The following PKD2 variants were observed in gnomAD, a reference collection of about 807,000 sequenced individuals.
PKD2 encodes the protein polycystin-2.
A neutral mutation model predicts 105.9 loss-of-function variants in PKD2; 48 were observed. The ratio of observed to expected loss-of-function variants is 0.45; its 90% confidence interval spans 0.36 to 0.58. The LOEUF (loss-of-function observed/expected upper bound fraction) is 0.58, where lower values mean the gene tolerates loss of function less well. Ranked by LOEUF, PKD2 falls within the 20% of genes least tolerant of loss-of-function variation. The probability of loss-of-function intolerance (pLI) is 0.00; values close to 1 mark genes in which losing one functional copy is unlikely to be tolerated. For synonymous variants in PKD2, 464 were observed against 481.1 expected (o/e 0.96, Z 0.46); for missense variants, 1,078 against 1,255.3 (o/e 0.86, Z 2.13).
intron 2 of PKD2, among the ~76,000 whole-genome samples, chr4:88,031,278 G>C (rs1345738006): frequency 1.3e-5 from 2 of 152,228 alleles, no homozygotes; most frequent in South Asian, 2.1e-4. Context: ...TATATTAAAT[G>C]CATTTTCAAC....
intron 6 of PKD2, among the ~76,000 whole-genome samples, chr4:88,049,092 A>C (rs932084024): frequency 6.6e-6 from 1 of 152,254 alleles, no homozygotes; most frequent in African/African-American, 2.4e-5. Flanking sequence ...CAATATCAAC[A>C]AAAGACTAGT....
intron 13 of PKD2, among the ~76,000 whole-genome samples, chr4:88,069,591 T>G (rs1720937765): frequency 6.6e-6 from 1 of 152,074 alleles, no homozygotes; most frequent in Admixed American, 6.6e-5. Context: ...TATTCATCTA[T>G]CTATATGTAT....
chr4:88,039,898 T>C (rs933852878), intron 4 of PKD2, among the ~76,000 whole-genome samples: 2 of 152,164 alleles, frequency 1.3e-5, no homozygotes, highest in Non-Finnish European at 2.9e-5. Context: ...TATGCCACCA[T>C]GCCCAGCTTT....
intron 8 of PKD2, among the ~76,000 whole-genome samples, chr4:88,056,909 C>T (rs1202456121): frequency 6.6e-6 from 1 of 152,128 alleles, no homozygotes; most frequent in Non-Finnish European, 1.5e-5. Flanking sequence ...ACTTTGATCC[C>T]ATTTTAAGTA....
At position 88,043,366 on chromosome 4, in the gene PKD2, A is replaced by C; in HGVS notation, c.1228A>C (p.Lys410Gln). The change falls in exon 5 of 15, where the codon AAG (lysine) becomes CAG (glutamine). Residue 410 changes from lysine (K) to glutamine (Q), a missense_variant. This residue lies in a region of PKD2 where 868 missense variants were observed against 1,067.3 expected (regional missense o/e 0.81). Coordinates refer to ENST00000237596, the MANE Select transcript of PKD2 (RefSeq NM_000297.4). The stretch of plus-strand genomic sequence containing the variant: ...AACAGCTGCACAAGTTGCTAGCCTC[A>C]AGAAAAATGTCTGGCTGGACCGAGG... The part of the protein sequence containing the change: ...EETAAQVASL[K>Q]KNVWLDRGTR... 1.2e-6 allele frequency: 2 copies of C among 1,614,048 alleles called. No homozygotes were observed. The highest frequency in any genetic ancestry group is 8.5e-7 in the Non-Finnish European group (1 of 1,179,948).
At position 88,065,866 on chromosome 4, in the gene PKD2, TG is replaced by T; in HGVS notation, c.2347del (p.Glu783ArgfsTer18). ...GAACATCAGCAGATGAGAGACGACT[TG>T]GAGAAAGAGAGGGTGGGTCTGGTTT... ...EHEHQQMRDD[L>X]EKEREDLDLD... On this transcript the variant is annotated frameshift_variant, in exon 12 of 15. Transcript: ENST00000237596. LOFTEE classifies it high-confidence loss of function. 1 of 1,602,948 alleles carries T rather than the reference TG, an allele frequency of 6.2e-7. No individual in the cohort carries two copies. Among genetic ancestry groups the T allele is most frequent in the Non-Finnish European group, 8.5e-7 (1 of 1,169,766 alleles).
chr4:88,073,064 A>T (rs1343666845), intron 13 of PKD2, among the ~76,000 whole-genome samples: 1 of 141,792 alleles, frequency 7.1e-6, no homozygotes, highest in Non-Finnish European at 1.5e-5. Flanking sequence ...GAGTAGGAAC[A>T]TTGAGGCTGG....
intron 13 of PKD2, among the ~76,000 whole-genome samples, chr4:88,068,874 C>G (rs1241930895): frequency 1.3e-5 from 2 of 152,160 alleles, no homozygotes; most frequent in Non-Finnish European, 1.5e-5. Flanking sequence ...AGTTGGAGTT[C>G]ATCCCTTCAA....
chr4:88,061,574 C>G (rs1720571809), intron 9 of PKD2, among the ~76,000 whole-genome samples: 1 of 151,998 alleles, frequency 6.6e-6, no homozygotes, highest in Non-Finnish European at 1.5e-5. Flanking sequence ...ACTGTCTCTA[C>G]TAAAAATACA....
chr4:88,015,901 C>G (rs755986026), intron 1 of PKD2, among the ~76,000 whole-genome samples: 34 of 152,176 alleles, frequency 2.2e-4, no homozygotes, highest in South Asian at 1.5e-3. Flanking sequence ...ATCAGCAGTC[C>G]CCAACCTTTT....
At chr4:88,069,570 T>C (rs1256314271) in intron 13 of PKD2, among the ~76,000 whole-genome samples, 1 of 152,044 alleles carries the variant, frequency 6.6e-6, no homozygotes, top group Non-Finnish European at 1.5e-5. Flanking sequence ...CTTCCCTCTT[T>C]TTGTGCTATA....
At chr4:88,030,702 A>G (rs1727115892) in intron 2 of PKD2, among the ~76,000 whole-genome samples, 1 of 152,182 alleles carries the variant, frequency 6.6e-6, no homozygotes, top group South Asian at 2.1e-4. Context: ...TTGTGCTGCC[A>G]TTCGGGCCCA....
In PKD2 at chr4:88,074,957, G is replaced by C; in HGVS notation, c.2668G>C (p.Glu890Gln). Residue 890 changes from glutamate (E) to glutamine (Q), a missense_variant and splice_region_variant, in exon 14 of 15, where the codon GAG becomes CAG. By Grantham distance (29) the Glu-to-Gln change is conservative. Coordinates refer to ENST00000237596, the MANE Select transcript of PKD2 (RefSeq NM_000297.4). ...VLGRLLDGVA[E>Q]DERLGRDSEI... Reference sequence around the variant, plus strand: ...GGGAAGGCTGTTGGATGGGGTGGCCGAGGTCAGTAGTCATGAGCTGAAAAC... The same window carrying C: ...GGGAAGGCTGTTGGATGGGGTGGCCCAGGTCAGTAGTCATGAGCTGAAAAC... 2 of 1,614,064 alleles carry C rather than the reference G, an allele frequency of 1.2e-6. No individual in the cohort carries two copies. Among genetic ancestry groups the C allele is most frequent in the East Asian group, 2.2e-5 (1 of 44,876 alleles).
intron 2 of PKD2, among the ~76,000 whole-genome samples, chr4:88,027,142 C>T (rs1374732891): frequency 6.6e-6 from 1 of 152,210 alleles, no homozygotes; most frequent in African/African-American, 2.4e-5. Flanking sequence ...GGACCACCAT[C>T]CTCCAGACTC....
chr4:88,074,907 C>A lies in PKD2; in HGVS notation c.2618C>A (p.Ala873Asp), dbSNP rs1463305984. Residue 873 changes from alanine (A) to aspartate (D), a missense_variant, in exon 14 of 15, where the codon GCC becomes GAC. Ala to Asp is a moderately radical substitution (Grantham distance 126, BLOSUM62 -2). Around this residue, in one of 2 missense-constraint regions of PKD2, gnomAD observed 868 missense variants for 1,067.3 expected, o/e 0.81. Transcript: ENST00000237596. The part of the protein sequence containing the change: ...VIVKLEIMER[A>D]KLKRREVLGR... ...GTGAAGCTAGAGATTATGGAGCGAG[C>A]CAAACTGAAGAGGAGGGAGGTGCTG... is the stretch of plus-strand genomic sequence containing the variant. The A allele has an allele frequency of 6.2e-7, 1 of 1,613,962 alleles. No homozygotes were observed. The highest frequency in any genetic ancestry group is 8.5e-7 in the Non-Finnish European group (1 of 1,180,020).
At chr4:88,032,281 T>C (rs904696022) in intron 2 of PKD2, among the ~76,000 whole-genome samples, 1 of 152,250 alleles carries the variant, frequency 6.6e-6, no homozygotes, top group African/African-American at 2.4e-5. Context: ...TTTGAACCTA[T>C]ATTTTTCAAC....
At position 88,043,019 on chromosome 4, in the gene PKD2, T is replaced by C. The variant is rs370084903; in HGVS notation, c.1095-214T>C. Among the ~76,000 whole-genome samples the C allele has an allele frequency of 6.6e-5, 10 of 152,170 alleles. No individual in the cohort carries two copies. The South Asian group carries it at 1.9e-3, about 28-fold the overall frequency. On this transcript the variant is annotated intron_variant, in intron 4 of 14. Transcript: ENST00000237596. ...TGCCCTCAAAAGCTTTGGGACTACA[T>C]TGACCTCACTAAGCCTCAGGGCCCT...
intron 5 of PKD2, among the ~76,000 whole-genome samples, chr4:88,046,221 T>C (rs1039845736): frequency 1.3e-5 from 2 of 152,060 alleles, no homozygotes; most frequent in African/African-American, 4.8e-5. Flanking sequence ...GCCCTGGAAT[T>C]TGAGGCAGCA....
chr4:88,038,632 T>C, intron 4 of PKD2, 131 bp downstream of exon 4: 1 of 943,532 alleles, frequency 1.1e-6, no homozygotes, highest in South Asian at 1.3e-5. Flanking sequence ...TCAGTGCTTA[T>C]ATTTAAACCT....
Sources: gnomAD v4.1 joint callset for allele counts (sites outside exome capture counted in the v4.1 genomes callset) on GRCh38, gnomAD v4.1.1 for gene constraint, gnomAD v4.1.1 regional missense constraint, MANE v1.5 for transcripts, NCBI Gene and HGNC (gene_info 2026-07-23, HGNC 2026-07-21) for gene names.